The following AQR variants were observed in gnomAD, a reference collection of about 807,000 sequenced individuals.
AQR encodes the protein RNA helicase aquarius.
In AQR, 61 loss-of-function variants were observed where a neutral mutation model predicts 180.5. The observed-to-expected ratio is 0.34, with a 90% CI of 0.28 to 0.42. The LOEUF is 0.42. AQR is among the 10% of genes least tolerant of loss of function. The pLI, the probability that AQR is intolerant of heterozygous loss-of-function variation, is 1.00. For synonymous variants in AQR, 551 were observed against 588.8 expected (o/e 0.94, Z 0.93); for missense variants, 1,281 against 1,798.3 (o/e 0.71, Z 5.20).
chr15:34,912,958 A>T (rs1893522639), intron 16 of AQR, among the ~76,000 whole-genome samples: 1 of 152,202 alleles, frequency 6.6e-6, no homozygotes, highest in Non-Finnish European at 1.5e-5. Context: ...GTATTGGGAC[A>T]ATGTCTAAAA....
chr15:34,939,034 G>A (rs1893984814), intron 8 of AQR, among the ~76,000 whole-genome samples: 1 of 152,056 alleles, frequency 6.6e-6, no homozygotes, highest in Non-Finnish European at 1.5e-5. Flanking sequence ...ACCTAAGCAA[G>A]CACCTCCTTC....
chr15:34,940,637 A>G (rs939903748), intron 8 of AQR, among the ~76,000 whole-genome samples: 6 of 152,248 alleles, frequency 3.9e-5, no homozygotes, highest in African/African-American at 1.4e-4. Context: ...GAGACGGACA[A>G]TAGGCAGGGA....
chr15:34,909,518 C>T (rs1355330858), intron 17 of AQR, among the ~76,000 whole-genome samples: 1 of 152,186 alleles, frequency 6.6e-6, no homozygotes, highest in Admixed American at 6.5e-5. Context: ...TCCTTGACTA[C>T]ATTTGACTTC....
chr15:34,876,683 G>GA (rs1400193063), intron 27 of AQR, among the ~76,000 whole-genome samples: 1 of 151,908 alleles, frequency 6.6e-6, no homozygotes, highest in Non-Finnish European at 1.5e-5. Flanking sequence ...CTGTTTAAGT[G>GA]AAAAAAATCC....
chr15:34,899,587 T>C (rs1380602719), intron 20 of AQR, among the ~76,000 whole-genome samples: 1 of 151,546 alleles, frequency 6.6e-6, no homozygotes, highest in African/African-American at 2.4e-5. Context: ...CCCAGGGTGG[T>C]CTGGAATTCC....
At chr15:34,895,218 ATATG>A (rs1174483909) in intron 22 of AQR, among the ~76,000 whole-genome samples, 24 of 108,180 alleles carry the variant, frequency 2.2e-4, no homozygotes, top group African/African-American at 5.9e-4. Flanking sequence ...ATATATATAT[ATATG>A]AAACAAATAA....
intron 9 of AQR, among the ~76,000 whole-genome samples, chr15:34,935,413 G>A (rs902335659): frequency 6.6e-5 from 10 of 152,064 alleles, no homozygotes; most frequent in Admixed American, 1.3e-4. Flanking sequence ...TAGGTTTCCT[G>A]TTGCTACTTA....
chr15:34,885,591 A>T (rs529702813), intron 25 of AQR, among the ~76,000 whole-genome samples: 35 of 152,296 alleles, frequency 2.3e-4, no homozygotes, highest in African/African-American at 8.2e-4. Context: ...TTATTACATA[A>T]ACCTTCTTAA....
intron 17 of AQR, among the ~76,000 whole-genome samples, chr15:34,907,808 G>A (rs1893441761): frequency 6.6e-6 from 1 of 152,184 alleles, no homozygotes; most frequent in Admixed American, 6.5e-5. Context: ...TACAGCCAAA[G>A]AAGTGGTCCT....
intron 26 of AQR, among the ~76,000 whole-genome samples, chr15:34,883,395 T>C (rs758440192): frequency 6.6e-6 from 1 of 152,142 alleles, no homozygotes; most frequent in Non-Finnish European, 1.5e-5. Context: ...ATTACACATA[T>C]AGGTGAGGTA....
At chr15:34,956,614 T>A (rs1894320914) in intron 3 of AQR, among the ~76,000 whole-genome samples, 1 of 145,936 alleles carries the variant, frequency 6.9e-6, no homozygotes, top group Non-Finnish European at 1.5e-5. Flanking sequence ...ATTGCGCCAC[T>A]GCACTCCAGC....
At position 34,906,603 on chromosome 15, in the gene AQR, A is replaced by G; in HGVS notation, c.1773T>C (p.Tyr591=). Residue 591 remains tyrosine, a synonymous_variant, in exon 18 of 35, where the codon TAT becomes TAC. Coordinates refer to ENST00000156471, the MANE Select transcript of AQR (RefSeq NM_014691.3). ...TGCCCTGAATTTCACAGCCTCTGAC[A>G]TAAACCAGGCCAACCTGCTCAATAA... ...RPFIEQVGLV[Y]VRGCEIQGML... is the part of the protein sequence containing the mutation. The G allele has an allele frequency of 6.2e-7, 1 of 1,614,158 alleles. No homozygotes were observed.
chr15:34,925,082 TACAA>T (rs1187236793), intron 13 of AQR, among the ~76,000 whole-genome samples: 2 of 152,090 alleles, frequency 1.3e-5, no homozygotes, highest in Non-Finnish European at 2.9e-5. Context: ...CAAAAGATGT[TACAA>T]ACAAAGTTAA....
At chr15:34,955,345 T>C (rs1894294383) in intron 3 of AQR, among the ~76,000 whole-genome samples, 1 of 152,110 alleles carries the variant, frequency 6.6e-6, no homozygotes, top group Admixed American at 6.6e-5. Context: ...TACTGTATCA[T>C]TAAATATGAT....
intron 30 of AQR, among the ~76,000 whole-genome samples, chr15:34,871,888 T>A (rs1207681324): frequency 6.6e-6 from 1 of 151,576 alleles, no homozygotes; most frequent in East Asian, 1.9e-4. Context: ...TTGGTCCAGT[T>A]CAGTAGAGAC....
intron 22 of AQR, 87 bp from the exon 23 acceptor site, chr15:34,893,860 A>T: frequency 7.7e-6 from 9 of 1,169,600 alleles, no homozygotes; most frequent in Middle Eastern, 3.9e-4. Flanking sequence ...GACCTGAAAG[A>T]TAAAATTAAC....
intron 29 of AQR, 50 bp downstream of exon 29, chr15:34,874,627 T>C: frequency 6.3e-7 from 1 of 1,596,630 alleles, no homozygotes; most frequent in South Asian, 1.1e-5. Flanking sequence ...ACTTGGATCA[T>C]GGAACAAATG....
chr15:34,911,771 C>T (rs553070809), intron 16 of AQR, among the ~76,000 whole-genome samples: 2 of 152,182 alleles, frequency 1.3e-5, no homozygotes, highest in South Asian at 4.1e-4. Context: ...GTTTCCTTTG[C>T]TGTATAGAAA....
chr15:34,939,130 G>A (rs539476021), intron 8 of AQR, among the ~76,000 whole-genome samples: 1 of 152,148 alleles, frequency 6.6e-6, no homozygotes, highest in African/African-American at 2.4e-5. Flanking sequence ...GTGCAGTGGC[G>A]CGATTTCAGC....
Sources: gnomAD v4.1 joint callset for allele counts (sites outside exome capture counted in the v4.1 genomes callset) on GRCh38, gnomAD v4.1.1 for gene constraint, MANE v1.5 for transcripts, NCBI Gene and HGNC (gene_info 2026-07-23, HGNC 2026-07-21) for gene names.